The following FNBP1 variants were observed in gnomAD, a reference collection of about 807,000 sequenced individuals.
FNBP1 encodes formin binding protein 1.
A neutral mutation model predicts 90.6 loss-of-function variants in FNBP1; 26 were observed. The ratio of observed to expected loss-of-function variants is 0.29; its 90% CI spans 0.21 to 0.40. The LOEUF is 0.40. Ranked by LOEUF, FNBP1 falls within the 10% of genes least tolerant of loss-of-function variation. The probability of loss-of-function intolerance (pLI) is 1.00; values close to 1 mark genes in which losing one functional copy is unlikely to be tolerated. For missense variants in FNBP1, 635 were observed against 768.0 expected (o/e 0.83, Z 2.05); for synonymous variants, 260 against 265.2 (o/e 0.98, Z 0.19).
intron 1 of FNBP1, among the ~76,000 whole-genome samples, chr9:130,029,966 G>C (rs2058666104): frequency 6.6e-6 from 1 of 150,930 alleles, no homozygotes; most frequent in South Asian, 2.1e-4. Context: ...CCTGGGTGAT[G>C]GAGTACAAAC....
chr9:129,890,657 G>T lies in FNBP1; in HGVS notation c.1847-111C>A. On this transcript the variant is annotated intron_variant, in intron 16 of 16. Coordinates refer to ENST00000446176, the MANE Select transcript of FNBP1 (RefSeq NM_015033.3). The surrounding 1 kb of genome is among the most constrained non-coding windows in gnomAD (Gnocchi z 5.8). Reference sequence around the variant, plus strand: ...AAACTGCACCGCCCTGGGAGGGGAGGGTAGTGGGAGGGGAGGGATGGGAGG... The same window carrying T: ...AAACTGCACCGCCCTGGGAGGGGAGTGTAGTGGGAGGGGAGGGATGGGAGG... The T allele has an allele frequency of 1.4e-6, 1 of 733,288 alleles. No homozygotes were observed. The highest frequency in any genetic ancestry group is 2.4e-6 in the Non-Finnish European group (1 of 415,536). The allele number at this position is 733,288 out of a possible 1,614,324, so 45.4% of individuals were successfully genotyped here. A position where few individuals can be genotyped will look rare whatever the true frequency, so the allele number is the denominator to read the frequency against.
At chr9:129,935,771 G>A (rs1270562044) in intron 6 of FNBP1, among the ~76,000 whole-genome samples, 1 of 152,114 alleles carries the variant, frequency 6.6e-6, no homozygotes, top group Non-Finnish European at 1.5e-5. Flanking sequence ...ATAGGCATGA[G>A]CCACCGCGCC....
chr9:130,004,939 AC>A (rs1447774602), intron 1 of FNBP1, among the ~76,000 whole-genome samples: 2 of 151,816 alleles, frequency 1.3e-5, no homozygotes, highest in African/African-American at 2.4e-5. Flanking sequence ...GGTGGCAGCT[AC>A]CTGTAGTCCC....
At chr9:130,040,218 T>G (rs550502310) in intron 1 of FNBP1, among the ~76,000 whole-genome samples, 8 of 152,362 alleles carry the variant, frequency 5.3e-5, no homozygotes, top group Non-Finnish European at 1.0e-4. Flanking sequence ...GCATTTCACC[T>G]GAAAACTTAG....
At chr9:129,983,806 G>A (rs745760295) in intron 2 of FNBP1, among the ~76,000 whole-genome samples, 28 of 151,894 alleles carry the variant, frequency 1.8e-4, no homozygotes, top group Non-Finnish European at 2.6e-4. Flanking sequence ...GCAAGACTTC[G>A]TCTCAAAACA....
At chr9:130,039,625 A>G (rs1308652849) in intron 1 of FNBP1, among the ~76,000 whole-genome samples, 1 of 151,464 alleles carries the variant, frequency 6.6e-6, no homozygotes, top group East Asian at 1.9e-4. Context: ...GCAGTGAGCC[A>G]AGATCGTGAC....
intron 4 of FNBP1, among the ~76,000 whole-genome samples, chr9:129,962,866 T>C (rs1178018173): frequency 6.6e-6 from 1 of 152,128 alleles, no homozygotes; most frequent in Non-Finnish European, 1.5e-5. Flanking sequence ...ACAAGCGGGT[T>C]TTCTGAAAGC....
rs547883380 is a variant in FNBP1, at chr9:129,957,387, G to A, written c.486C>T (p.Ile162=). The A allele has an allele frequency of 3.7e-6, 6 of 1,613,172 alleles. No individual in the cohort carries two copies. In the African/African-American group the frequency reaches 5.3e-5, roughly 14 times the overall value. The change falls in exon 6 of 17, where the codon ATC becomes ATT. Residue 162 remains isoleucine (I), a synonymous_variant. Transcript: ENST00000446176. This position sits in a 1 kb window ranked among gnomAD's most constrained non-coding sequence, Gnocchi z 4.3. Reference sequence around the variant, plus strand: ...TTTCAACATCCGCTTTTGTGACATTGATGTCAGCGTCCATTTTCTCAAAGT... The same window carrying A: ...TTTCAACATCCGCTTTTGTGACATTAATGTCAGCGTCCATTTTCTCAAAGT... ...QQYFEKMDAD[I]NVTKADVEKA...
At chr9:129,943,384 C>CTTTTTT (rs11415197) in intron 6 of FNBP1, among the ~76,000 whole-genome samples, 10 of 102,640 alleles carry the variant, frequency 9.7e-5, no homozygotes, top group Admixed American at 1.3e-4. Context: ...TCATTAATTG[C>CTTTTTT]TTTTTTTTTT....
At chr9:130,046,985 GAC>G (rs2060064352), upstream of FNBP1, among the ~76,000 whole-genome samples, 1 of 152,038 alleles carries the variant, frequency 6.6e-6, no homozygotes, top group South Asian at 2.1e-4. Context: ...CGTCAAAAAA[GAC>G]AGATCACATA....
At chr9:130,012,266 C>G (rs1311887538) in intron 1 of FNBP1, among the ~76,000 whole-genome samples, 1 of 152,148 alleles carries the variant, frequency 6.6e-6, no homozygotes, top group Non-Finnish European at 1.5e-5. Context: ...TGTTTCTCAA[C>G]TCAAAAGAGG....
At chr9:130,003,740 G>A (rs1022628275) in intron 1 of FNBP1, among the ~76,000 whole-genome samples, 2 of 151,324 alleles carry the variant, frequency 1.3e-5, no homozygotes, top group Non-Finnish European at 2.9e-5. Context: ...TGGCTAACAC[G>A]GTGAAACCCC....
At chr9:129,977,484 A>ATTTTTTTTTTTTT (rs34068585) in intron 4 of FNBP1, among the ~76,000 whole-genome samples, 5 of 139,262 alleles carry the variant, frequency 3.6e-5, no homozygotes, top group Non-Finnish European at 4.7e-5. Flanking sequence ...ACAAGCACTA[A>ATTTTTTTTTTTTT]TTTTTTTTTT....
rs759773855 is a variant in FNBP1 at position 129,890,566 on chromosome 9, A to G, written c.1847-20T>C. 4.4e-6 allele frequency: 7 copies of G among 1,576,780 alleles called. No individual in the cohort carries two copies. Among genetic ancestry groups the G allele is most frequent in the Non-Finnish European group, 6.0e-6 (7 of 1,161,816 alleles). On this transcript the variant is annotated intron_variant, in intron 16 of 16. Coordinates refer to ENST00000446176, the MANE Select transcript of FNBP1 (RefSeq NM_015033.3). The surrounding 1 kb of genome is among the most constrained non-coding windows in gnomAD (Gnocchi z 5.8). ...AGGAATCTACAACACAAAGAGAAAC[A>G]GAAAGAGAAACTCTCTGTTAGAGAG...
intron 1 of FNBP1, among the ~76,000 whole-genome samples, chr9:130,035,020 G>A (rs1473554245): frequency 1.3e-5 from 2 of 152,112 alleles, no homozygotes; most frequent in Non-Finnish European, 1.5e-5. Flanking sequence ...GTGGTGACAT[G>A]TGCCTGTAAT....
chr9:130,000,352 G>A (rs2054641899), intron 1 of FNBP1, among the ~76,000 whole-genome samples: 1 of 151,910 alleles, frequency 6.6e-6, no homozygotes, highest in African/African-American at 2.4e-5. Context: ...TTAGCTGGGT[G>A]TGGTGGTGGT....
At chr9:129,955,440 T>C (rs1221757301) in intron 6 of FNBP1, among the ~76,000 whole-genome samples, 1 of 151,822 alleles carries the variant, frequency 6.6e-6, no homozygotes, top group African/African-American at 2.4e-5. Flanking sequence ...CTCACCATGT[T>C]GCCCAGGCTG....
At chr9:130,028,458 T>C (rs969903034) in intron 1 of FNBP1, among the ~76,000 whole-genome samples, 2 of 152,192 alleles carry the variant, frequency 1.3e-5, no homozygotes, top group African/African-American at 4.8e-5. Context: ...ATGTGTGATA[T>C]TAACTTCTGA....
intron 4 of FNBP1, among the ~76,000 whole-genome samples, chr9:129,963,903 C>T (rs1288287634): frequency 6.6e-6 from 1 of 152,134 alleles, no homozygotes; most frequent in Non-Finnish European, 1.5e-5. Flanking sequence ...GCATGAGCCA[C>T]CATGCCCAGC....
Sources: gnomAD v4.1 joint callset for allele counts (sites outside exome capture counted in the v4.1 genomes callset) on GRCh38, gnomAD v4.1.1 for gene constraint, Gnocchi (gnomAD v3.1) non-coding constraint, MANE v1.5 for transcripts, NCBI Gene and HGNC (gene_info 2026-07-23, HGNC 2026-07-21) for gene names.